DST: variants seen among roughly 807,000 people sequenced by gnomAD.
DST encodes the protein bullous pemphigoid antigen.
Under a neutral mutation model 875.2 loss-of-function variants are expected in DST, and 253 were observed. The observed-to-expected ratio is 0.29, with a 90% CI of 0.26 to 0.32. The LOEUF is 0.32. Ranked by LOEUF, DST falls within the 10% of genes least tolerant of loss-of-function variation. DST has a pLI of 1.00. For synonymous variants in DST, 3,124 were observed against 3,197.1 expected (o/e 0.98, Z 0.77); for missense variants, 8,287 against 9,111.6 (o/e 0.91, Z 3.68).
At chr6:56,784,755 C>A (rs540917096) in intron 4 of DST, among the ~76,000 whole-genome samples, 1 of 152,318 alleles carries the variant, frequency 6.6e-6, no homozygotes, top group Non-Finnish European at 1.5e-5. Context: ...CAGCTTTGTT[C>A]CGTTGCTGGT....
At chr6:56,703,075 C>T (rs1033827253) in intron 7 of DST, among the ~76,000 whole-genome samples, 5 of 152,140 alleles carry the variant, frequency 3.3e-5, no homozygotes, top group South Asian at 4.1e-4. Flanking sequence ...CTAAGAGTCA[C>T]GGAGATTAAA....
At chr6:56,520,518 T>C (rs1433460718) in intron 69 of DST, among the ~76,000 whole-genome samples, 3 of 152,138 alleles carry the variant, frequency 2.0e-5, no homozygotes, top group Admixed American at 2.0e-4. Flanking sequence ...GATATTTTAC[T>C]ATAAAGATGT....
Position 56,530,132 on chromosome 6 carries a change from T to C in DST, c.17110A>G (p.Asn5704Asp). The C allele has an allele frequency of 6.9e-6, 11 of 1,586,100 alleles. No individual in the cohort carries two copies. Among genetic ancestry groups the C allele is most frequent in the Non-Finnish European group, 8.6e-6 (10 of 1,168,604 alleles). ...ACCGAGATACCTTCCAACTGACGAT[T>C]CCTACAAATGTGCCAAAAGGTCATT... The part of the protein sequence containing the change: ...EALLNKAETR[N>D]RQLEGISVVA... Residue 5704 changes from asparagine to aspartate, a missense_variant and splice_region_variant, in exon 65 of 104, where the codon AAT becomes GAT. Around this residue, in one of 10 missense-constraint regions of DST, gnomAD observed 777 missense variants for 764.8 expected, o/e 1.02. Coordinates refer to ENST00000680361, the MANE Select transcript of DST (RefSeq NM_001374736.1).
At chr6:56,539,097 T>C (rs965295243) in intron 61 of DST, among the ~76,000 whole-genome samples, 1 of 152,200 alleles carries the variant, frequency 6.6e-6, no homozygotes, top group Admixed American at 6.5e-5. Context: ...GGAAACGTTT[T>C]ATTTTCCCTC....
At chr6:56,617,185 G>A in intron 36 of DST, 1 of 1,601,256 alleles carries the variant, frequency 6.2e-7, no homozygotes, top group Non-Finnish European at 8.5e-7. Context: ...CAGTCACAGT[G>A]TGCCTAAGCC....
chr6:56,708,451 C>T (rs1418738755), intron 5 of DST, among the ~76,000 whole-genome samples: 1 of 152,020 alleles, frequency 6.6e-6, no homozygotes, highest in African/African-American at 2.4e-5. Flanking sequence ...TCCAAAGACA[C>T]TGGCTATCCC....
intron 45 of DST, 139 bp from the exon 46 acceptor site, chr6:56,598,848 A>G (rs1035253072): frequency 4.6e-6 from 2 of 432,236 alleles, no homozygotes; most frequent in African/African-American, 2.0e-5. Flanking sequence ...GAGTATGTTA[A>G]TTTGAGTTTC....
At chr6:56,543,633 A>G (rs183741699) in intron 61 of DST, among the ~76,000 whole-genome samples, 40 of 152,370 alleles carry the variant, frequency 2.6e-4, no homozygotes, top group East Asian at 1.2e-3. Context: ...TTTACAAAAT[A>G]AGAAACATCG....
At chr6:56,686,052 T>C (rs1365172202) in intron 9 of DST, among the ~76,000 whole-genome samples, 1 of 152,220 alleles carries the variant, frequency 6.6e-6, no homozygotes, top group Non-Finnish European at 1.5e-5. Context: ...TAGGTGTCTG[T>C]CAACAATGGA....
chr6:56,506,896 A>T (rs1393762339), intron 75 of DST, 107 bp from the exon 76 acceptor site: 4 of 1,236,538 alleles, frequency 3.2e-6, no homozygotes, highest in African/African-American at 1.5e-5. Flanking sequence ...GTGGCATTCT[A>T]ATCATTTTTC....
intron 90 of DST, among the ~76,000 whole-genome samples, chr6:56,479,812 T>C (rs1207439812): frequency 2.0e-5 from 3 of 152,212 alleles, no homozygotes; most frequent in Non-Finnish European, 4.4e-5. Flanking sequence ...AGTTGAAACA[T>C]TACCTATTGG....
At chr6:56,481,227 C>T (rs1008535541) in intron 90 of DST, among the ~76,000 whole-genome samples, 7 of 152,154 alleles carry the variant, frequency 4.6e-5, no homozygotes, top group African/African-American at 1.2e-4. Flanking sequence ...TCCAGCCTGA[C>T]TTCAAAAGAC....
intron 5 of DST, among the ~76,000 whole-genome samples, chr6:56,728,299 T>C (rs1476197439): frequency 6.6e-6 from 1 of 152,234 alleles, no homozygotes; most frequent in East Asian, 1.9e-4. Context: ...TCAAAAGATA[T>C]TTTGCTATTA....
intron 4 of DST, chr6:56,742,317 A>G (rs1329830819): frequency 1.6e-6 from 2 of 1,289,702 alleles, no homozygotes; most frequent in Admixed American, 2.3e-5. Flanking sequence ...AATCTTGATC[A>G]TTTTTCATGA....
chr6:56,641,293 A>G (rs150528477), intron 17 of DST, among the ~76,000 whole-genome samples: 221 of 152,330 alleles, frequency 1.5e-3, no homozygotes, highest in African/African-American at 5.1e-3. Flanking sequence ...TGAATTAAAA[A>G]TGACACTTTT....
In DST at chr6:56,615,990, G is replaced by A. The variant is rs779163570; in HGVS notation, c.4930-1506C>T. The A allele has an allele frequency of 6.2e-7, 1 of 1,614,224 alleles. No homozygotes were observed. Among genetic ancestry groups the A allele is most frequent in the East Asian group, 2.2e-5 (1 of 44,888 alleles). ...GCCACCCGGTACTTTTTGCCAGTAA[G>A]AGGATCAATTATGCCCCCTGTACTG... On this transcript the variant is annotated intron_variant, in intron 36 of 103. Transcript: ENST00000680361.
chr6:56,901,461 G>A (rs1794043787), intron 2 of DST, among the ~76,000 whole-genome samples: 1 of 152,324 alleles, frequency 6.6e-6, no homozygotes, highest in East Asian at 1.9e-4. Flanking sequence ...TGGTCATGCT[G>A]GTGGACGCCA....
intron 47 of DST, among the ~76,000 whole-genome samples, chr6:56,595,035 CA>C (rs1428943655): frequency 6.6e-6 from 1 of 152,156 alleles, no homozygotes; most frequent in African/African-American, 2.4e-5. Context: ...CCTTTCCCTC[CA>C]GCCATAAGCA....
Position 56,645,852 on chromosome 6 carries a change from C to T in DST, c.1778+14G>A. On this transcript the variant is annotated intron_variant, in intron 15 of 103. Coordinates refer to ENST00000680361, the MANE Select transcript of DST (RefSeq NM_001374736.1). The stretch of plus-strand genomic sequence containing the variant: ...CCCACTTGATATTCATGGCAGAAAA[C>T]ACCTCTGGCCTACCTTTCTACTTCT... 10 of 1,608,754 alleles carry T rather than the reference C, an allele frequency of 6.2e-6. No individual in the cohort carries two copies. The highest frequency in any genetic ancestry group is 8.5e-6 in the Non-Finnish European group (10 of 1,178,464).
Sources: gnomAD v4.1 joint callset for allele counts (sites outside exome capture counted in the v4.1 genomes callset) on GRCh38, gnomAD v4.1.1 for gene constraint, gnomAD v4.1.1 regional missense constraint, MANE v1.5 for transcripts, NCBI Gene and HGNC (gene_info 2026-07-23, HGNC 2026-07-21) for gene names.